CYP19A1: variants seen among roughly 807,000 people sequenced by gnomAD.
CYP19A1 encodes the protein aromatase.
In CYP19A1, 32 loss-of-function variants were observed where a neutral mutation model predicts 44.4. That is an observed-to-expected ratio of 0.72 (90% CI 0.54 to 0.97). The LOEUF (loss-of-function observed/expected upper bound fraction) is 0.97. Among genes scored for constraint, CYP19A1 ranks in the 50% least tolerant of loss-of-function variants. The pLI is 0.00. For missense variants in CYP19A1, 598 were observed against 637.8 expected (o/e 0.94, Z 0.67); for synonymous variants, 212 against 215.6 (o/e 0.98, Z 0.14).
chr15:51,242,946 G>C lies in CYP19A1; in HGVS notation c.-34C>G. ...CCTTGACCTCAGAGGGGGCAATTTA[G>C]AGTCCTGTGGAAATCAAAGGGACAG... On this transcript the variant is annotated 5_prime_UTR_variant, in exon 2 of 10. Transcript: ENST00000396402. 5.2e-6 allele frequency: 8 copies of C among 1,526,588 alleles called. 1 individual carries two copies. Among genetic ancestry groups the C allele is most frequent in the Non-Finnish European group, 7.3e-6 (8 of 1,100,242 alleles). The allele number at this position is 1,526,588 out of a possible 1,614,324, so 94.6% of individuals were successfully genotyped here. A position where few individuals can be genotyped will look rare whatever the true frequency, so the allele number is the denominator to read the frequency against.
intron 3 of CYP19A1, among the ~76,000 whole-genome samples, chr15:51,229,687 T>G (rs1186501166): frequency 6.6e-6 from 1 of 152,160 alleles, no homozygotes; most frequent in East Asian, 1.9e-4. Context: ...TCTTACTAAT[T>G]AAAATATTTG....
At chr15:51,215,637 C>G in intron 7 of CYP19A1, 66 bp downstream of exon 7, 1 of 1,612,778 alleles carries the variant, frequency 6.2e-7, no homozygotes, top group Non-Finnish European at 8.5e-7. Flanking sequence ...AAAAGGGGAT[C>G]TTTACACACC....
At chr15:51,311,817 G>C (rs1374654732) in intron 1 of CYP19A1, among the ~76,000 whole-genome samples, 1 of 152,172 alleles carries the variant, frequency 6.6e-6, no homozygotes, top group Non-Finnish European at 1.5e-5. Flanking sequence ...TCACTGACAT[G>C]TGTGAGGGCT....
chr15:51,220,723 T>G (rs1385827496), intron 5 of CYP19A1, among the ~76,000 whole-genome samples: 1 of 152,218 alleles, frequency 6.6e-6, no homozygotes, highest in Non-Finnish European at 1.5e-5. Flanking sequence ...ATTTATCTTT[T>G]CTTTATGCTG....
chr15:51,243,892 A>G (rs1328454810), intron 1 of CYP19A1, among the ~76,000 whole-genome samples: 1 of 152,208 alleles, frequency 6.6e-6, no homozygotes, highest in African/African-American at 2.4e-5. Context: ...ACAGAGTTTC[A>G]GGGATGGTAG....
chr15:51,259,835 T>G (rs1316647509), intron 1 of CYP19A1, among the ~76,000 whole-genome samples: 2 of 152,176 alleles, frequency 1.3e-5, no homozygotes, highest in Non-Finnish European at 2.9e-5. Flanking sequence ...TTGCCCCAAA[T>G]TACATTTATG....
intron 1 of CYP19A1, among the ~76,000 whole-genome samples, chr15:51,278,672 C>T (rs2035411623): frequency 6.6e-6 from 1 of 152,208 alleles, no homozygotes; most frequent in Non-Finnish European, 1.5e-5. Context: ...GTCACTGCAT[C>T]AGGTTCAGTT....
intron 1 of CYP19A1, among the ~76,000 whole-genome samples, chr15:51,329,008 A>G (rs2036657681): frequency 6.6e-6 from 1 of 152,146 alleles, no homozygotes; most frequent in African/African-American, 2.4e-5. Flanking sequence ...ACACTCTCGT[A>G]GGTCTCCAGC....
intron 1 of CYP19A1, chr15:51,277,514 A>G (rs2035356344): frequency 6.6e-6 from 1 of 152,258 alleles, no homozygotes; most frequent in African/African-American, 2.4e-5. Flanking sequence ...ACAAAAGACT[A>G]TCACTTTCTA....
intron 1 of CYP19A1, among the ~76,000 whole-genome samples, chr15:51,248,050 C>T (rs971266128): frequency 1.3e-5 from 2 of 152,158 alleles, no homozygotes; most frequent in Admixed American, 6.5e-5. Context: ...TACCCTACCT[C>T]AAACTCTCTA....
Position 51,227,950 on chromosome 15 carries a change from C to T in CYP19A1, c.297-17G>A, listed in dbSNP as rs537019588. On this transcript the variant is annotated splice_polypyrimidine_tract_variant and intron_variant, in intron 3 of 9. Transcript: ENST00000396402. The stretch of plus-strand genomic sequence containing the variant: ...CTTGAGGACCTGAAAAGACAGGAAA[C>T]TTTGGTGTCAATTTTTAAGGGTCAG... 2 of 1,509,668 alleles carry T rather than the reference C, an allele frequency of 1.3e-6. No individual in the cohort carries two copies. Among genetic ancestry groups the T allele is most frequent in the East Asian group, 2.3e-5 (1 of 44,332 alleles). 93.5% of individuals were successfully genotyped at this position (1,509,668 alleles called of 1,614,324 possible). A position where few individuals can be genotyped will look rare whatever the true frequency, so the allele number is the denominator to read the frequency against.
intron 1 of CYP19A1, among the ~76,000 whole-genome samples, chr15:51,314,846 G>A (rs1829388699): frequency 6.6e-6 from 1 of 152,152 alleles, no homozygotes; most frequent in African/African-American, 2.4e-5. Flanking sequence ...CTTCATAAGT[G>A]TTGGTTTCCT....
At chr15:51,293,555 C>G (rs1189987738) in intron 1 of CYP19A1, 2 of 149,698 alleles carry the variant, frequency 1.3e-5, no homozygotes, top group Non-Finnish European at 2.9e-5. Context: ...CCCTCTCCCT[C>G]TCCCCACGGT....
At chr15:51,290,209 G>C (rs1436275973) in intron 1 of CYP19A1, among the ~76,000 whole-genome samples, 2 of 152,160 alleles carry the variant, frequency 1.3e-5, no homozygotes, top group East Asian at 3.8e-4. Context: ...GTAAATGTTA[G>C]CTATTAATAA....
At chr15:51,295,936 C>T (rs2035986274) in intron 1 of CYP19A1, among the ~76,000 whole-genome samples, 1 of 152,078 alleles carries the variant, frequency 6.6e-6, no homozygotes, top group South Asian at 2.1e-4. Flanking sequence ...TTTCTGGGAG[C>T]ACATGAACGT....
intron 5 of CYP19A1, chr15:51,221,352 A>G (rs898661859): frequency 1.3e-5 from 2 of 152,182 alleles, no homozygotes; most frequent in African/African-American, 4.8e-5. Flanking sequence ...CATAATATAA[A>G]TGACTTTAAG....
At position 51,222,428 on chromosome 15, in the gene CYP19A1, G is replaced by T; in HGVS notation, c.549C>A (p.Gly183=). The T allele has an allele frequency of 6.2e-7, 1 of 1,614,102 alleles. No individual in the cohort carries two copies. Among genetic ancestry groups the T allele is most frequent in the African/African-American group, 1.3e-5 (1 of 75,032 alleles). The change falls in exon 5 of 10, where the codon GGC becomes GGA. Residue 183 remains glycine (G), a synonymous_variant. Transcript: ENST00000396402. ...DRLEEVTNES[G]YVDVLTLLRR... ...GCAGAAGGGTCAACACGTCCACATA[G>T]CCCGATTCATTGGTCACCTCCTCCA...
intron 9 of CYP19A1, chr15:51,211,737 A>G (rs1221440523): frequency 2.4e-6 from 1 of 414,196 alleles, no homozygotes; most frequent in Non-Finnish European, 4.8e-6. Context: ...CAGATTGAAA[A>G]ACATATTGCC....
Position 51,218,662 on chromosome 15 carries a change from GA to G in CYP19A1, c.629-8del, listed in dbSNP as rs750758078. On this transcript the variant is annotated splice_polypyrimidine_tract_variant and splice_region_variant and intron_variant, in intron 5 of 9. Coordinates refer to ENST00000396402, the MANE Select transcript of CYP19A1 (RefSeq NM_000103.4). Reference sequence around the variant, plus strand: ...TTAACCACGATAGCACTTTCTGTAGGAAAAAAAAACACACATACACAAGAAA... The same window carrying G: ...TTAACCACGATAGCACTTTCTGTAGGAAAAAAAACACACATACACAAGAAA... 8.1e-6 allele frequency: 13 copies of G among 1,601,302 alleles called. No individual in the cohort carries two copies. The highest frequency in any genetic ancestry group is 6.7e-5 in the African/African-American group (5 of 74,216).
Sources: allele counts gnomAD v4.1 joint callset (sites outside exome capture counted in the v4.1 genomes callset), GRCh38; gene constraint gnomAD v4.1.1; transcripts MANE v1.5; gene names NCBI Gene and HGNC (gene_info 2026-07-23, HGNC 2026-07-21).